Variants in SGMS1 observed in about 807,000 individuals in gnomAD.
The protein encoded by SGMS1 is phosphatidylcholine:ceramide cholinephosphotransferase 1.
A neutral mutation model predicts 46.2 loss-of-function variants in SGMS1; 13 were observed. That is an observed-to-expected ratio of 0.28 (90% CI 0.18 to 0.45). The LOEUF is 0.45. Ranked by LOEUF, SGMS1 falls within the 20% of genes least tolerant of loss-of-function variation. The pLI, the probability that SGMS1 is intolerant of heterozygous loss-of-function variation, is 1.00. For missense variants in SGMS1, 324 were observed against 519.9 expected (o/e 0.62, Z 3.66); for synonymous variants, 203 against 187.8 (o/e 1.08, Z -0.66).
intron 2 of SGMS1, among the ~76,000 whole-genome samples, chr10:50,536,611 T>A (rs551947454): frequency 1.3e-5 from 2 of 152,304 alleles, no homozygotes; most frequent in East Asian, 3.9e-4. Flanking sequence ...ACCTAGAATT[T>A]CACTTCTCAA....
chr10:50,550,589 C>G (rs1162411746), intron 2 of SGMS1, among the ~76,000 whole-genome samples: 1 of 152,140 alleles, frequency 6.6e-6, no homozygotes, highest in African/African-American at 2.4e-5. Context: ...TATCCCGGAA[C>G]CTTGACTTAA....
At chr10:50,407,958 A>G (rs1419269480) in intron 6 of SGMS1, among the ~76,000 whole-genome samples, 1 of 152,194 alleles carries the variant, frequency 6.6e-6, no homozygotes, top group African/African-American at 2.4e-5. Context: ...ATTCATTTAA[A>G]AAAAGCTTCC....
At chr10:50,339,243 C>T (rs977629317) in intron 7 of SGMS1, among the ~76,000 whole-genome samples, 10 of 152,224 alleles carry the variant, frequency 6.6e-5, no homozygotes, top group African/African-American at 2.4e-4. Flanking sequence ...ACCTCACTGA[C>T]CTCCTGCATC....
chr10:50,527,437 G>C (rs1280440226), intron 2 of SGMS1, among the ~76,000 whole-genome samples: 1 of 152,126 alleles, frequency 6.6e-6, no homozygotes, highest in Non-Finnish European at 1.5e-5. Flanking sequence ...CTAATTTACA[G>C]ATGAGAAACT....
chr10:50,613,519 G>T (rs776479746), intron 1 of SGMS1, among the ~76,000 whole-genome samples: 4 of 152,124 alleles, frequency 2.6e-5, no homozygotes, highest in East Asian at 1.9e-4. Context: ...ACCTGAACAG[G>T]CCTCTCTAGC....
At chr10:50,475,865 A>AGCCT (rs1837421142) in intron 3 of SGMS1, among the ~76,000 whole-genome samples, 2 of 152,220 alleles carry the variant, frequency 1.3e-5, no homozygotes, top group South Asian at 4.2e-4. Flanking sequence ...AAGCCTGTAC[A>AGCCT]GCCTGCATAA....
At chr10:50,588,961 C>T (rs1838513496) in intron 2 of SGMS1, among the ~76,000 whole-genome samples, 1 of 152,014 alleles carries the variant, frequency 6.6e-6, no homozygotes, top group Admixed American at 6.6e-5. Context: ...AAACTCCTGA[C>T]TTCAAATGAT....
At chr10:50,350,209 T>C (rs1157629680) in intron 6 of SGMS1, among the ~76,000 whole-genome samples, 1 of 152,132 alleles carries the variant, frequency 6.6e-6, no homozygotes, top group African/African-American at 2.4e-5. Flanking sequence ...GCCCTAGAGA[T>C]TTGTGGAACT....
intron 1 of SGMS1, among the ~76,000 whole-genome samples, chr10:50,601,737 G>A (rs1838651884): frequency 6.6e-6 from 1 of 152,220 alleles, no homozygotes. Flanking sequence ...CCTCTTTCCA[G>A]AATGCTTGGA....
intron 1 of SGMS1, among the ~76,000 whole-genome samples, chr10:50,622,070 G>A (rs1838856766): frequency 1.3e-5 from 2 of 152,216 alleles, no homozygotes; most frequent in African/African-American, 2.4e-5. Context: ...TGGCGCCTCC[G>A]ACAGCAGGCA....
At chr10:50,404,557 T>C (rs1848986848) in intron 6 of SGMS1, among the ~76,000 whole-genome samples, 1 of 152,154 alleles carries the variant, frequency 6.6e-6, no homozygotes, top group African/African-American at 2.4e-5. Flanking sequence ...AAGCTATGAT[T>C]GTGCCACTGC....
chr10:50,457,398 G>T (rs1837205570), intron 5 of SGMS1, among the ~76,000 whole-genome samples: 1 of 151,854 alleles, frequency 6.6e-6, no homozygotes, highest in African/African-American at 2.4e-5. Flanking sequence ...TCTTACTTAA[G>T]CAAATGTTTT....
chr10:50,551,695 C>G (rs575650504), intron 2 of SGMS1, among the ~76,000 whole-genome samples: 9 of 152,116 alleles, frequency 5.9e-5, no homozygotes, highest in African/African-American at 1.2e-4. Context: ...GCTTATTTTA[C>G]AAAACTGTCT....
At chr10:50,473,702 A>G (rs569898428) in intron 3 of SGMS1, among the ~76,000 whole-genome samples, 1 of 152,366 alleles carries the variant, frequency 6.6e-6, no homozygotes, top group East Asian at 1.9e-4. Context: ...CCAGATTTGT[A>G]GTAGACATAT....
intron 3 of SGMS1, among the ~76,000 whole-genome samples, chr10:50,484,023 A>G (rs1315249765): frequency 2.6e-5 from 4 of 152,172 alleles, no homozygotes; most frequent in African/African-American, 9.7e-5. Context: ...AGCTAGCAGG[A>G]GACAAAAATA....
At chr10:50,390,619 T>C (rs1014275440) in intron 6 of SGMS1, among the ~76,000 whole-genome samples, 6 of 151,794 alleles carry the variant, frequency 4.0e-5, no homozygotes, top group African/African-American at 1.5e-4. Context: ...GCCTAGGTAA[T>C]GGAACAAGAC....
At chr10:50,498,041 T>C (rs1837630206) in intron 3 of SGMS1, among the ~76,000 whole-genome samples, 1 of 152,224 alleles carries the variant, frequency 6.6e-6, no homozygotes, top group East Asian at 1.9e-4. Flanking sequence ...TCCAGGGAAT[T>C]TGGTTTCTAA....
chr10:50,379,417 C>T (rs536422212), intron 6 of SGMS1, among the ~76,000 whole-genome samples: 2 of 143,902 alleles, frequency 1.4e-5, no homozygotes, highest in South Asian at 4.6e-4. Flanking sequence ...TTATCATTCA[C>T]ATATATGTGG....
chr10:50,494,414 G>A (rs144131101), intron 3 of SGMS1, among the ~76,000 whole-genome samples: 3 of 152,300 alleles, frequency 2.0e-5, no homozygotes, highest in African/African-American at 7.2e-5. Flanking sequence ...TAAAGGAAAC[G>A]TGATACATAC....
Sources: gnomAD v4.1 joint callset for allele counts (sites outside exome capture counted in the v4.1 genomes callset) on GRCh38, gnomAD v4.1.1 for gene constraint, MANE v1.5 for transcripts, NCBI Gene and HGNC (gene_info 2026-07-23, HGNC 2026-07-21) for gene names.